The following ADGRG3 variants were observed in gnomAD, a reference collection of about 807,000 sequenced individuals.
ADGRG3 encodes the protein adhesion G protein-coupled receptor G3, also known as G protein-coupled receptor 97.
A neutral mutation model predicts 54.3 loss-of-function variants in ADGRG3; 39 were observed. The ratio of observed to expected loss-of-function variants is 0.72; its 90% CI spans 0.56 to 0.94. The LOEUF (loss-of-function observed/expected upper bound fraction) is 0.94. Ranked by LOEUF, ADGRG3 falls within the 40% of genes least tolerant of loss-of-function variation. The pLI is 0.00. For synonymous variants in ADGRG3, 312 were observed against 290.0 expected (o/e 1.08, Z -0.77); for missense variants, 654 against 694.6 (o/e 0.94, Z 0.66).
intron 10 of ADGRG3, among the ~76,000 whole-genome samples, chr16:57,684,859 C>T (rs925333560): frequency 6.6e-6 from 1 of 152,196 alleles, no homozygotes; most frequent in South Asian, 2.1e-4. Context: ...CAGCCCCCAC[C>T]TGCTGCCCAG....
chr16:57,688,309 C>A, intron 11 of ADGRG3, 43 bp from the exon 12 acceptor site: 2 of 1,283,700 alleles, frequency 1.6e-6, no homozygotes, highest in Non-Finnish European at 2.3e-6. Flanking sequence ...CCACTCTCTG[C>A]CCACCCCTTT....
At chr16:57,679,714 C>T (rs771637716) in intron 5 of ADGRG3, 102 bp from the exon 6 acceptor site, 18 of 906,574 alleles carry the variant, frequency 2.0e-5, no homozygotes, top group Non-Finnish European at 3.2e-5. Context: ...ACCTAATGCA[C>T]ACTCACACTA....
chr16:57,680,673 A>T (rs1336861191), intron 8 of ADGRG3, 56 bp downstream of exon 8: 1 of 1,232,894 alleles, frequency 8.1e-7, no homozygotes, highest in African/African-American at 1.5e-5. Flanking sequence ...GGGAGGCAGC[A>T]GGGCAGGGTG....
intron 11 of ADGRG3, chr16:57,686,760 A>G (rs1292889832): frequency 6.6e-6 from 1 of 152,190 alleles, no homozygotes; most frequent in African/African-American, 2.4e-5. Context: ...ATCAGCTGCG[A>G]CCAGAAGGGC....
At chr16:57,684,368 T>C (rs548946655) in intron 9 of ADGRG3, 22 bp from the exon 10 acceptor site, 4 of 1,605,948 alleles carry the variant, frequency 2.5e-6, no homozygotes, top group Non-Finnish European at 3.4e-6. Context: ...AGTGGTGTCA[T>C]GCCATTTCCC....
chr16:57,681,541 T>C (rs1204986930), intron 8 of ADGRG3, among the ~76,000 whole-genome samples: 4 of 151,692 alleles, frequency 2.6e-5, no homozygotes, highest in Non-Finnish European at 5.9e-5. Flanking sequence ...GCCAACATGG[T>C]GAAAGCCCAT....
At position 57,679,125 on chromosome 16, in the gene ADGRG3, G is replaced by A. The variant is rs76207354; in HGVS notation, c.493-52G>A. On this transcript the variant is annotated intron_variant, in intron 4 of 11. Transcript: ENST00000333493. ...GCTCCTAGGAACCCCAGCGTTGGTGGGTTGGGATGGCCCCTTCTGCAGCCT... is the reference window on the plus strand; with the variant it reads ...GCTCCTAGGAACCCCAGCGTTGGTGAGTTGGGATGGCCCCTTCTGCAGCCT... The A allele has an allele frequency of 6.3e-3, 10,092 of 1,607,314 alleles. 467 individuals carry two copies. In the East Asian group the frequency reaches 0.11, roughly 17 times the overall value.
At position 57,670,271 on chromosome 16, in the gene ADGRG3, A is replaced by C. The variant is rs367764571; in HGVS notation, c.58+1866A>C. On this transcript the variant is annotated intron_variant, in intron 1 of 11. Transcript: ENST00000333493. ...CCTAGCACAGGGTCTCCTTGTCTACATGAAATGCTTGCAGTGTCTTCAAAG... is the reference window on the plus strand; with the variant it reads ...CCTAGCACAGGGTCTCCTTGTCTACCTGAAATGCTTGCAGTGTCTTCAAAG... Among the ~76,000 whole-genome samples, 32 of 152,330 alleles carry C rather than the reference A, an allele frequency of 2.1e-4. No individual in the cohort carries two copies. The East Asian group carries it at 5.8e-3, about 28-fold the overall frequency.
At chr16:57,667,636 T>C (rs1039730171), upstream of ADGRG3, among the ~76,000 whole-genome samples, 1 of 152,170 alleles carries the variant, frequency 6.6e-6, no homozygotes, top group African/African-American at 2.4e-5. Context: ...GTGGCCAGGA[T>C]GGATGTTAGC....
rs1421299199 is a variant in ADGRG3 at position 57,680,312 on chromosome 16, C to T, written c.715C>T (p.Pro239Ser). 9 of 1,612,390 alleles carry T rather than the reference C, an allele frequency of 5.6e-6. No individual in the cohort carries two copies. The highest frequency in any genetic ancestry group is 3.3e-5 in the Admixed American group (2 of 59,840). ...SSEGCSTEVR[P>S]EGTVCCCDHL... ...TGAGGGCTGCTCCACGGAGGTCAGA[C>T]CTGAGGGGACCGTGTGCTGCTGTGA... Residue 239 changes from proline to serine, a missense_variant, in exon 7 of 12, where the codon CCT becomes TCT. Pro to Ser is a moderately conservative substitution (Grantham distance 74). Coordinates refer to ENST00000333493, the MANE Select transcript of ADGRG3 (RefSeq NM_170776.5).
intron 11 of ADGRG3, among the ~76,000 whole-genome samples, chr16:57,687,952 CAT>C (rs1197968897): frequency 1.3e-5 from 2 of 152,194 alleles, no homozygotes; most frequent in Non-Finnish European, 2.9e-5. Flanking sequence ...TTCCTTGAAA[CAT>C]AGAGTTTTTC....
chr16:57,671,446 T>A (rs1162919301), intron 1 of ADGRG3, among the ~76,000 whole-genome samples: 1 of 146,726 alleles, frequency 6.8e-6, no homozygotes, highest in East Asian at 2.2e-4. Flanking sequence ...GTTGAAGCAA[T>A]TCTCCTGCCT....
At chr16:57,669,903 G>A (rs1277168602) in intron 1 of ADGRG3, among the ~76,000 whole-genome samples, 5 of 152,180 alleles carry the variant, frequency 3.3e-5, no homozygotes, top group East Asian at 1.9e-4. Flanking sequence ...ACAAAGGTGC[G>A]GGCAGGGCAC....
intron 10 of ADGRG3, among the ~76,000 whole-genome samples, 199 bp from the exon 11 acceptor site, chr16:57,685,444 T>C (rs1430428987): frequency 6.6e-6 from 1 of 152,128 alleles, no homozygotes; most frequent in Non-Finnish European, 1.5e-5. Flanking sequence ...ATGAAACATG[T>C]CTTTGAGGTC....
At chr16:57,667,032 C>T (rs922881595), upstream of ADGRG3, among the ~76,000 whole-genome samples, 12 of 152,372 alleles carry the variant, frequency 7.9e-5, 1 homozygote, top group Admixed American at 3.3e-4. Flanking sequence ...CATCTGCCTT[C>T]GCAGCCCTCC....
chr16:57,680,434 T>C, intron 7 of ADGRG3, 69 bp downstream of exon 7: 1 of 1,565,946 alleles, frequency 6.4e-7, no homozygotes, highest in East Asian at 2.2e-5. Flanking sequence ...GGGAGGGGGC[T>C]GCCTGGTGGT....
intron 8 of ADGRG3, among the ~76,000 whole-genome samples, chr16:57,682,292 C>T (rs2048387761): frequency 6.6e-6 from 1 of 152,298 alleles, no homozygotes; most frequent in South Asian, 2.1e-4. Context: ...TCCCCTGCCT[C>T]CTGGGGGTCC....
chr16:57,673,543 T>TGGGGGAAGATGGCCC, intron 2 of ADGRG3, 75 bp downstream of exon 2: 1 of 1,377,066 alleles, frequency 7.3e-7, no homozygotes, highest in Non-Finnish European at 1.0e-6. Flanking sequence ...GATGGGGCCA[T>TGGGGGAAGATGGCCC]CTTCCCCCAT....
intron 10 of ADGRG3, among the ~76,000 whole-genome samples, chr16:57,684,816 C>T (rs1482867518): frequency 1.3e-5 from 2 of 152,148 alleles, no homozygotes; most frequent in South Asian, 2.1e-4. Context: ...ATGCGGGGTG[C>T]GCAGCCTGGA....
Sources: gnomAD v4.1 joint callset for allele counts (sites outside exome capture counted in the v4.1 genomes callset) on GRCh38, gnomAD v4.1.1 for gene constraint, MANE v1.5 for transcripts, NCBI Gene and HGNC (gene_info 2026-07-23, HGNC 2026-07-21) for gene names.